Variants in GOLM2 observed in about 807,000 individuals in gnomAD.
The protein encoded by GOLM2 is golgi membrane protein 2.
GOLM2 carries 26 observed loss-of-function variants against 55.9 expected under a neutral mutation model. The ratio of observed to expected loss-of-function variants is 0.47; its 90% CI spans 0.34 to 0.65. The LOEUF is 0.65. Ranked by LOEUF, GOLM2 falls within the 30% of genes least tolerant of loss-of-function variation. GOLM2 has a pLI of 0.01. For synonymous variants in GOLM2, 165 were observed against 194.6 expected, an observed-to-expected ratio of 0.85 and a Z score of 1.27; for missense variants, 486 against 531.8, an observed-to-expected ratio of 0.91 and a Z score of 0.85.
chr15:44,396,353 A>G (rs2079526749), intron 8 of GOLM2, among the ~76,000 whole-genome samples: 1 of 152,046 alleles, frequency 6.6e-6, no homozygotes, highest in Non-Finnish European at 1.5e-5. Context: ...GTGAGACTCC[A>G]TCAAAAAAAA....
At chr15:44,333,578 C>T (rs1031862303) in intron 4 of GOLM2, among the ~76,000 whole-genome samples, 3 of 152,022 alleles carry the variant, frequency 2.0e-5, no homozygotes, top group Non-Finnish European at 4.4e-5. Flanking sequence ...GCATTGAGGG[C>T]AACCAAAAGG....
chr15:44,351,428 T>G (rs549059031), intron 6 of GOLM2, among the ~76,000 whole-genome samples: 1 of 151,508 alleles, frequency 6.6e-6, no homozygotes, highest in African/African-American at 2.4e-5. Context: ...TAACAAAAAA[T>G]TAGCCGGGCG....
At chr15:44,314,742 A>G (rs1473304665) in intron 1 of GOLM2, among the ~76,000 whole-genome samples, 1 of 152,194 alleles carries the variant, frequency 6.6e-6, no homozygotes, top group Non-Finnish European at 1.5e-5. Flanking sequence ...CAGGTCTAGT[A>G]TATACACAGT....
At chr15:44,327,516 A>G (rs1035435278) in intron 2 of GOLM2, among the ~76,000 whole-genome samples, 1 of 152,120 alleles carries the variant, frequency 6.6e-6, no homozygotes, top group Non-Finnish European at 1.5e-5. Flanking sequence ...TAAAAAATAG[A>G]TGTTATAGTA....
chr15:44,410,883 A>G (rs2079633427), intron 9 of GOLM2, among the ~76,000 whole-genome samples: 1 of 135,956 alleles, frequency 7.4e-6, no homozygotes, highest in African/African-American at 2.7e-5. Flanking sequence ...AACCTGAGTG[A>G]TGGGACTGAG....
chr15:44,300,956 A>G (rs1413717577), intron 1 of GOLM2, among the ~76,000 whole-genome samples: 1 of 152,136 alleles, frequency 6.6e-6, no homozygotes, highest in Admixed American at 6.5e-5. Context: ...AGATGCTTTT[A>G]ATGTCTGATT....
chr15:44,320,002 T>G (rs1194098898), intron 1 of GOLM2, among the ~76,000 whole-genome samples: 1 of 152,238 alleles, frequency 6.6e-6, no homozygotes, highest in African/African-American at 2.4e-5. Context: ...GTTGAGCAAC[T>G]ATCACCATGG....
chr15:44,328,202 AG>A (rs2078997666), intron 2 of GOLM2, among the ~76,000 whole-genome samples: 1 of 152,244 alleles, frequency 6.6e-6, no homozygotes, highest in Non-Finnish European at 1.5e-5. Context: ...GTTGCCGGTC[AG>A]GCATGGTGGC....
Position 44,310,756 on chromosome 15 carries a change from C to T in GOLM2, c.328-12209C>T, listed in dbSNP as rs1459980504. ...TACATAGGCCAGGCACAGTGGCTCA[C>T]GCCTGTAATCCCAGCCCTTTGGGAG... On this transcript the variant is annotated intron_variant, in intron 1 of 9. Transcript: ENST00000299957. 3.9e-5 allele frequency among the ~76,000 whole-genome samples: 6 copies of T among 151,954 alleles called. No homozygotes were observed. In the South Asian group the frequency reaches 6.2e-4, roughly 16 times the overall value.
intron 1 of GOLM2, among the ~76,000 whole-genome samples, chr15:44,302,726 A>G (rs2078807492): frequency 6.6e-6 from 1 of 152,040 alleles, no homozygotes; most frequent in Non-Finnish European, 1.5e-5. Context: ...CCAGGACTTA[A>G]GTGATCTGCC....
rs1019172050 is a variant in GOLM2, at chr15:44,288,860, C to T, written c.-170C>T. 9 of 620,056 alleles carry T rather than the reference C, an allele frequency of 1.5e-5. No homozygotes were observed. The highest frequency in any genetic ancestry group is 2.5e-5 in the Non-Finnish European group (9 of 360,350). The allele number at this position is 620,056 out of a possible 1,614,324, so 38.4% of individuals were successfully genotyped here. A position where few individuals can be genotyped will look rare whatever the true frequency, so the allele number is the denominator to read the frequency against. ...TTTGAGGAGGGGGGCGGGGAGGGACCTGCGGCTTGCGGCCCCGCCCCCTTC... is the reference window on the plus strand; with the variant it reads ...TTTGAGGAGGGGGGCGGGGAGGGACTTGCGGCTTGCGGCCCCGCCCCCTTC... On this transcript the variant is annotated 5_prime_UTR_variant, in exon 1 of 10. Coordinates refer to ENST00000299957, the MANE Select transcript of GOLM2 (RefSeq NM_138423.4).
At chr15:44,370,328 C>G (rs2079321716) in intron 6 of GOLM2, among the ~76,000 whole-genome samples, 1 of 152,174 alleles carries the variant, frequency 6.6e-6, no homozygotes, top group African/African-American at 2.4e-5. Context: ...TTCATTAGAG[C>G]AAGTTAGTTT....
intron 6 of GOLM2, among the ~76,000 whole-genome samples, chr15:44,362,614 TG>T (rs2079249779): frequency 6.6e-6 from 1 of 152,170 alleles, no homozygotes; most frequent in African/African-American, 2.4e-5. Context: ...ATGGCCATAC[TG>T]CCCAAGGTAA....
intron 2 of GOLM2, among the ~76,000 whole-genome samples, chr15:44,327,197 C>T (rs1048822766): frequency 1.3e-5 from 2 of 151,498 alleles, no homozygotes; most frequent in African/African-American, 4.8e-5. Context: ...GCGATCCACC[C>T]GCCTCCACCT....
intron 6 of GOLM2, among the ~76,000 whole-genome samples, chr15:44,344,809 G>A (rs1405225355): frequency 6.9e-6 from 1 of 144,192 alleles, no homozygotes; most frequent in Non-Finnish European, 1.5e-5. Context: ...TCGGAGTCTC[G>A]TTCTGTCGCC....
intron 6 of GOLM2, among the ~76,000 whole-genome samples, chr15:44,365,054 T>TA (rs1371466833): frequency 2.6e-5 from 4 of 152,208 alleles, no homozygotes; most frequent in African/African-American, 7.2e-5. Context: ...CAAAAAGAGT[T>TA]AAAAACTTGT....
intron 6 of GOLM2, among the ~76,000 whole-genome samples, chr15:44,364,963 G>C (rs1410590634): frequency 2.6e-5 from 4 of 152,114 alleles, no homozygotes; most frequent in Non-Finnish European, 4.4e-5. Flanking sequence ...TCAACTACTT[G>C]GGAAGGTAGT....
In GOLM2 at chr15:44,332,695, T is replaced by C. The variant is rs79764652; in HGVS notation, c.576+617T>C. Among the ~76,000 whole-genome samples the C allele has an allele frequency of 7.5e-3, 1,139 of 152,300 alleles. 13 individuals are homozygous for C. The highest frequency in any genetic ancestry group is 0.026 in the African/African-American group (1,090 of 41,562). ...TGAAAATCAACTACTTCCTTTTTTA[T>C]ACATTTGAGAAATAGAAAAAAAAGA... is the stretch of plus-strand genomic sequence containing the variant. On this transcript the variant is annotated intron_variant, in intron 4 of 9. Coordinates refer to ENST00000299957, the MANE Select transcript of GOLM2 (RefSeq NM_138423.4).
At chr15:44,334,158 T>C (rs1026996088) in intron 4 of GOLM2, among the ~76,000 whole-genome samples, 5 of 152,174 alleles carry the variant, frequency 3.3e-5, no homozygotes, top group African/African-American at 1.2e-4. Context: ...CTTGCCATTA[T>C]CCTACCCTAA....
Sources: gnomAD v4.1 joint callset for allele counts (sites outside exome capture counted in the v4.1 genomes callset) on GRCh38, gnomAD v4.1.1 for gene constraint, MANE v1.5 for transcripts, NCBI Gene and HGNC (gene_info 2026-07-23, HGNC 2026-07-21) for gene names.